The following EPB41L2 variants were observed in gnomAD, a reference collection of about 807,000 sequenced individuals.
EPB41L2 encodes the protein erythrocyte membrane protein band 4.1 like 2, also known as band 4.1-like protein 2.
In EPB41L2, 43 loss-of-function variants were observed where a neutral mutation model predicts 113.0. The ratio of observed to expected loss-of-function variants is 0.38; its 90% CI spans 0.30 to 0.49. The LOEUF is 0.49. Among genes scored for constraint, EPB41L2 ranks in the 20% least tolerant of loss-of-function variants. The pLI, the probability that EPB41L2 is intolerant of heterozygous loss-of-function variation, is 0.95. For synonymous variants in EPB41L2, 442 were observed against 436.7 expected (o/e 1.01, Z -0.15); for missense variants, 1,147 against 1,223.4 (o/e 0.94, Z 0.93).
intron 10 of EPB41L2, among the ~76,000 whole-genome samples, chr6:130,893,146 T>G (rs1793517865): frequency 6.6e-6 from 1 of 152,190 alleles, no homozygotes; most frequent in African/African-American, 2.4e-5. Flanking sequence ...ATACAAAATC[T>G]TATATAACCA....
At chr6:130,918,134 G>A (rs1006298834) in intron 4 of EPB41L2, among the ~76,000 whole-genome samples, 2 of 152,174 alleles carry the variant, frequency 1.3e-5, no homozygotes, top group Non-Finnish European at 2.9e-5. Flanking sequence ...GAGAATGTGG[G>A]ATTATAAAGT....
At chr6:130,845,555 GTT>G (rs897039543) in intron 19 of EPB41L2, among the ~76,000 whole-genome samples, 1 of 151,960 alleles carries the variant, frequency 6.6e-6, no homozygotes, top group African/African-American at 2.4e-5. Context: ...TTTTTAAAAA[GTT>G]TTTTGTGGAC....
chr6:130,904,424 C>G, intron 6 of EPB41L2, 41 bp downstream of exon 6: 1 of 1,374,484 alleles, frequency 7.3e-7, no homozygotes, highest in South Asian at 1.3e-5. Flanking sequence ...TAAACGAGAG[C>G]TGTAAGGAAA....
chr6:130,928,103 C>T (rs1805376323), intron 3 of EPB41L2, among the ~76,000 whole-genome samples: 1 of 151,950 alleles, frequency 6.6e-6, no homozygotes, highest in African/African-American at 2.4e-5. Context: ...TAAATAAATA[C>T]ATAAATAATA....
chr6:130,991,973 G>A (rs1407447673), intron 1 of EPB41L2, among the ~76,000 whole-genome samples: 1 of 151,852 alleles, frequency 6.6e-6, no homozygotes, highest in Non-Finnish European at 1.5e-5. Context: ...GAAATCCTAG[G>A]AGAGTGATAC....
At chr6:130,870,560 C>T (rs1003396593) in intron 14 of EPB41L2, among the ~76,000 whole-genome samples, 2 of 152,086 alleles carry the variant, frequency 1.3e-5, no homozygotes, top group East Asian at 1.9e-4. Flanking sequence ...CAAAAAGACA[C>T]AAAAACAGCC....
chr6:131,018,442 G>A (rs958874874), intron 1 of EPB41L2, among the ~76,000 whole-genome samples: 6 of 152,062 alleles, frequency 3.9e-5, no homozygotes, highest in Non-Finnish European at 7.3e-5. Flanking sequence ...GGGAACAGGC[G>A]AGGTAGGCAG....
intron 1 of EPB41L2, among the ~76,000 whole-genome samples, chr6:130,972,009 A>G (rs559459061): frequency 6.6e-6 from 1 of 152,278 alleles, no homozygotes; most frequent in East Asian, 1.9e-4. Context: ...CTTGTTTCAT[A>G]TTTCAATCCT....
At chr6:130,894,320 T>C (rs1351787367) in intron 10 of EPB41L2, 24 bp downstream of exon 10, 4 of 1,593,472 alleles carry the variant, frequency 2.5e-6, no homozygotes, top group Non-Finnish European at 3.4e-6. Context: ...ATGCCCGGCT[T>C]CCGAGCTGTT....
At chr6:131,055,756 T>G (rs1030440742) in intron 1 of EPB41L2, among the ~76,000 whole-genome samples, 1 of 152,252 alleles carries the variant, frequency 6.6e-6, no homozygotes, top group Non-Finnish European at 1.5e-5. Flanking sequence ...TACTCCAAGA[T>G]GGTGCTGCAA....
chr6:130,994,763 G>C (rs1013263514), intron 1 of EPB41L2, among the ~76,000 whole-genome samples: 4 of 152,180 alleles, frequency 2.6e-5, no homozygotes, highest in African/African-American at 7.2e-5. Flanking sequence ...CAAAGGAAAA[G>C]TCAAGCTGGG....
chr6:130,967,965 C>T (rs113315042), intron 1 of EPB41L2, among the ~76,000 whole-genome samples: 11 of 152,246 alleles, frequency 7.2e-5, no homozygotes, highest in Admixed American at 1.3e-4. Context: ...AACCAGAGCA[C>T]GGCCAATACC....
At chr6:131,057,713 C>T (rs1797859080) in intron 1 of EPB41L2, among the ~76,000 whole-genome samples, 1 of 152,084 alleles carries the variant, frequency 6.6e-6, no homozygotes, top group African/African-American at 2.4e-5. Context: ...TGAAGGGTAA[C>T]ATAAGTTTTT....
chr6:130,901,220 A>G, intron 6 of EPB41L2, 40 bp from the exon 7 acceptor site: 1 of 1,576,498 alleles, frequency 6.3e-7, no homozygotes. Flanking sequence ...GGGGAGAACC[A>G]TTAGGTGAGA....
intron 1 of EPB41L2, among the ~76,000 whole-genome samples, chr6:131,007,024 T>C (rs1785732946): frequency 6.6e-6 from 1 of 152,232 alleles, no homozygotes; most frequent in Admixed American, 6.5e-5. Flanking sequence ...TACATTTACC[T>C]TGGCCTTACT....
chr6:131,012,276 T>A (rs1236786856), intron 1 of EPB41L2, among the ~76,000 whole-genome samples: 1 of 151,406 alleles, frequency 6.6e-6, no homozygotes, highest in East Asian at 1.9e-4. Context: ...AAGTCAGAGC[T>A]TCTAACGGAT....
At chr6:131,014,927 A>G (rs1488834446) in intron 1 of EPB41L2, among the ~76,000 whole-genome samples, 1 of 152,240 alleles carries the variant, frequency 6.6e-6, no homozygotes, top group Non-Finnish European at 1.5e-5. Context: ...AAGGAATTCA[A>G]AATAGAAATT....
At chr6:130,925,530 C>T (rs1804432195) in intron 4 of EPB41L2, among the ~76,000 whole-genome samples, 1 of 152,132 alleles carries the variant, frequency 6.6e-6, no homozygotes, top group Non-Finnish European at 1.5e-5. Flanking sequence ...ACTAAGAGAA[C>T]ATGTTATTCT....
intron 3 of EPB41L2, among the ~76,000 whole-genome samples, chr6:130,948,352 T>C (rs1813641072): frequency 6.6e-6 from 1 of 152,148 alleles, no homozygotes; most frequent in Admixed American, 6.6e-5. Context: ...AAGAAATTGT[T>C]GTTTTTGTAT....
Sources: gnomAD v4.1 joint callset for allele counts (sites outside exome capture counted in the v4.1 genomes callset) on GRCh38, gnomAD v4.1.1 for gene constraint, MANE v1.5 for transcripts, NCBI Gene and HGNC (gene_info 2026-07-23, HGNC 2026-07-21) for gene names.